AHCTF1: variants seen among roughly 807,000 people sequenced by gnomAD.
AHCTF1 encodes the protein protein ELYS.
Under a neutral mutation model 248.4 loss-of-function variants are expected in AHCTF1, and 24 were observed. The ratio of observed to expected loss-of-function variants is 0.10; its 90% CI spans 0.07 to 0.14. AHCTF1 has a LOEUF of 0.14. Among genes scored for constraint, AHCTF1 ranks in the 10% least tolerant of loss-of-function variants. AHCTF1 has a pLI of 1.00. For missense variants in AHCTF1, 2,206 were observed against 2,636.2 expected (o/e 0.84, Z 3.57); for synonymous variants, 786 against 929.8 (o/e 0.85, Z 2.81).
chr1:246,863,904 C>T lies in AHCTF1; in HGVS notation c.3540+20G>A, dbSNP rs751553846. ...GAGCCATCTAGTTTGATTGTGAACG[C>T]TAGATGCGTAAATACTAACCTTAAC... On this transcript the variant is annotated intron_variant, in intron 27 of 35. Coordinates refer to ENST00000648844, the MANE Select transcript of AHCTF1 (RefSeq NM_001323342.2). The T allele has an allele frequency of 1.2e-6, 2 of 1,611,570 alleles. No individual in the cohort carries two copies. The highest frequency in any genetic ancestry group is 1.7e-6 in the Non-Finnish European group (2 of 1,178,016).
At chr1:246,854,768 C>G (rs1660988886) in intron 31 of AHCTF1, among the ~76,000 whole-genome samples, 1 of 152,184 alleles carries the variant, frequency 6.6e-6, no homozygotes, top group East Asian at 1.9e-4. Flanking sequence ...AATAGAGACA[C>G]AGCCCTTAAG....
intron 1 of AHCTF1, among the ~76,000 whole-genome samples, chr1:246,923,794 G>A (rs1666745371): frequency 6.6e-6 from 1 of 152,168 alleles, no homozygotes; most frequent in African/African-American, 2.4e-5. Flanking sequence ...GAAAGAAGGT[G>A]AGTTCACAAA....
chr1:246,851,473 A>C, intron 32 of AHCTF1, 31 bp from the exon 33 acceptor site: 1 of 1,550,506 alleles, frequency 6.4e-7, no homozygotes, highest in Non-Finnish European at 8.7e-7. Context: ...AGACTGGTTA[A>C]AGAATTTTAA....
At chr1:246,886,070 C>T (rs934795103) in intron 20 of AHCTF1, among the ~76,000 whole-genome samples, 7 of 152,238 alleles carry the variant, frequency 4.6e-5, no homozygotes, top group African/African-American at 1.4e-4. Flanking sequence ...GTGGCTCATG[C>T]CTATAATCCC....
In AHCTF1 at chr1:246,861,188, C is replaced by A. The variant is rs141450027; in HGVS notation, c.3843G>T (p.Leu1281=). 6.2e-7 allele frequency: 1 copy of A among 1,613,604 alleles called. No individual in the cohort carries two copies. The highest frequency in any genetic ancestry group is 1.3e-5 in the African/African-American group (1 of 75,030). The part of the protein sequence containing the change: ...KSKDRTTSFF[L]NSPEKEHQEM... The stretch of plus-strand genomic sequence containing the variant: ...CTTGATGCTCCTTTTCAGGGCTGTT[C>A]AGGAAAAAAGATGTGGTCCTATCTT... The change falls in exon 29 of 36, where the codon CTG becomes CTT. Residue 1281 remains leucine, a synonymous_variant. Transcript: ENST00000648844.
rs756861258 is a variant in AHCTF1, at chr1:246,905,651, G to A, written c.771C>T (p.Tyr257=). The A allele has an allele frequency of 5.7e-5, 91 of 1,604,670 alleles. 1 individual carries two copies. The South Asian group carries it at 9.6e-4, about 17-fold the overall frequency. ...GAACTTGTCCACTTTCCAATTGTATGTAATATCTGAAACAAATTAGTATAT... is the reference window on the plus strand; with the variant it reads ...GAACTTGTCCACTTTCCAATTGTATATAATATCTGAAACAAATTAGTATAT... ...WNMKSMKREY[Y]IQLESGQVPV... Residue 257 remains tyrosine, a synonymous_variant, in exon 6 of 36, where the codon TAC becomes TAT. Transcript: ENST00000648844.
In AHCTF1 at chr1:246,860,792, C is replaced by G. The variant is rs1288316443; in HGVS notation, c.4132+107G>C. Reference sequence around the variant, plus strand: ...AAGTGCTGAGATTAACTAGCATGAGCCACAGTACCTGGCTAGGATGCTTTT... The same window carrying G: ...AAGTGCTGAGATTAACTAGCATGAGGCACAGTACCTGGCTAGGATGCTTTT... On this transcript the variant is annotated intron_variant, in intron 29 of 35. Transcript: ENST00000648844. The G allele has an allele frequency of 3.5e-6, 5 of 1,433,100 alleles. No individual in the cohort carries two copies. The Admixed American group carries it at 8.8e-5, about 25-fold the overall frequency. 88.8% of individuals were successfully genotyped at this position (1,433,100 alleles called of 1,614,324 possible).
At chr1:246,917,353 G>A (rs775760860) in intron 2 of AHCTF1, among the ~76,000 whole-genome samples, 1 of 152,164 alleles carries the variant, frequency 6.6e-6, no homozygotes, top group Non-Finnish European at 1.5e-5. Context: ...CTAAATTTGA[G>A]ATGTCCATCA....
intron 1 of AHCTF1, among the ~76,000 whole-genome samples, chr1:246,920,932 C>CA (rs912446464): frequency 6.5e-4 from 95 of 146,126 alleles, no homozygotes; most frequent in Middle Eastern, 3.5e-3. Flanking sequence ...CTAATAATAC[C>CA]AAAAAAAAAA....
chr1:246,881,860 A>C (rs1435970846), intron 21 of AHCTF1, among the ~76,000 whole-genome samples: 2 of 150,824 alleles, frequency 1.3e-5, no homozygotes, highest in Non-Finnish European at 3.0e-5. Flanking sequence ...CAAAAAAAAA[A>C]ACAAAAAAAA....
At chr1:246,887,810 G>A (rs564762038) in intron 19 of AHCTF1, among the ~76,000 whole-genome samples, 1 of 152,288 alleles carries the variant, frequency 6.6e-6, no homozygotes, top group South Asian at 2.1e-4. Context: ...GCCTAAGGTA[G>A]TATCACGCTA....
intron 6 of AHCTF1, 88 bp from the exon 7 acceptor site, chr1:246,904,121 G>T (rs1009336823): frequency 8.9e-7 from 1 of 1,128,688 alleles, no homozygotes. Flanking sequence ...TGCTTGCAAT[G>T]TTGAGTGCAT....
chr1:246,922,745 G>A (rs1419600848), intron 1 of AHCTF1, among the ~76,000 whole-genome samples: 6 of 151,448 alleles, frequency 4.0e-5, no homozygotes, highest in African/African-American at 1.5e-4. Context: ...CACTTTGGGA[G>A]GCCAAGGAGG....
rs1281429766 is a variant in AHCTF1, at chr1:246,888,500, T to C, written c.2162A>G (p.Asp721Gly). The change falls in exon 18 of 36, where the codon GAT (aspartate) becomes GGT (glycine). Residue 721 changes from aspartate (D) to glycine (G), a missense_variant. Physicochemically the swap from Asp to Gly is moderately conservative, Grantham distance 94. Coordinates refer to ENST00000648844, the MANE Select transcript of AHCTF1 (RefSeq NM_001323342.2). Reference protein sequence around the residue: ...ERLSRGKWNPDCLMIDGLVSQ... With the variant: ...ERLSRGKWNPGCLMIDGLVSQ... ...AACCAGTCCATCAATCATCAAGCAA[T>C]CGGGATTCCACTTCCCTCTGCAATC... 1.2e-6 allele frequency: 2 copies of C among 1,613,940 alleles called. No homozygotes were observed. Among genetic ancestry groups the C allele is most frequent in the East Asian group, 2.2e-5 (1 of 44,874 alleles).
intron 33 of AHCTF1, among the ~76,000 whole-genome samples, chr1:246,848,423 G>A (rs368230093): frequency 1.3e-5 from 2 of 151,558 alleles, no homozygotes; most frequent in African/African-American, 4.8e-5. Context: ...GGATGGTCTC[G>A]ATCTCCTGAT....
In AHCTF1 at chr1:246,853,186, G is replaced by T; in HGVS notation, c.4468C>A (p.His1490Asn). ...QEVALNLKED[H>N]EVEVGVLKES... is the part of the protein sequence containing the mutation. The stretch of plus-strand genomic sequence containing the variant: ...TTTAGTACACCAACTTCTACTTCAT[G>T]ATCTTCTTTTAAGTTCAGCGCTACT... The change falls in exon 32 of 36, where the codon CAT becomes AAT. Residue 1490 changes from histidine (H) to asparagine (N), a missense_variant. Around this residue, in one of 6 missense-constraint regions of AHCTF1, gnomAD observed 955 missense variants for 1,055.6 expected, o/e 0.90. Coordinates refer to ENST00000648844, the MANE Select transcript of AHCTF1 (RefSeq NM_001323342.2). 6.2e-7 allele frequency: 1 copy of T among 1,612,908 alleles called. No individual in the cohort carries two copies. The highest frequency in any genetic ancestry group is 8.5e-7 in the Non-Finnish European group (1 of 1,179,348).
chr1:246,841,773 T>C (rs1659883001), intron 35 of AHCTF1, among the ~76,000 whole-genome samples: 1 of 151,928 alleles, frequency 6.6e-6, no homozygotes, highest in African/African-American at 2.4e-5. Context: ...CCTACCATCC[T>C]CCTTTTATTA....
rs550154386 is a variant in AHCTF1, at chr1:246,877,627, AGG to A, written c.2661-327_2661-326del. Among the ~76,000 whole-genome samples, 102 of 152,322 alleles carry A rather than the reference AGG, an allele frequency of 6.7e-4. 1 individual carries two copies. The highest frequency in any genetic ancestry group is 2.5e-3 in the Admixed American group (38 of 15,302). ...TGGTGTGGTGTGACAGAGGAACATC[AGG>A]TTTTTAAGAAGTGACACTCAGTGGG... On this transcript the variant is annotated intron_variant, in intron 21 of 35. Transcript: ENST00000648844.
intron 1 of AHCTF1, among the ~76,000 whole-genome samples, chr1:246,926,536 T>G (rs1666927561): frequency 6.6e-6 from 1 of 152,234 alleles, no homozygotes; most frequent in Non-Finnish European, 1.5e-5. Context: ...TTAAGCACAC[T>G]ACAGAGAACA....
Sources: gnomAD v4.1 joint callset for allele counts (sites outside exome capture counted in the v4.1 genomes callset) on GRCh38, gnomAD v4.1.1 for gene constraint, gnomAD v4.1.1 regional missense constraint, MANE v1.5 for transcripts, NCBI Gene and HGNC (gene_info 2026-07-23, HGNC 2026-07-21) for gene names.